Variants in NMU observed in about 807,000 individuals in gnomAD.
NMU encodes neuromedin-U.
In NMU, 29 loss-of-function variants were observed where a neutral mutation model predicts 35.4. The ratio of observed to expected loss-of-function variants is 0.82; its 90% CI spans 0.61 to 1.12. The LOEUF is 1.12. Ranked by LOEUF, NMU falls within the 50% of genes most tolerant of loss-of-function variation. The pLI is 0.00. For synonymous variants in NMU, 78 were observed against 81.3 expected (o/e 0.96, Z 0.22); for missense variants, 199 against 206.2 (o/e 0.97, Z 0.21).
intron 2 of NMU, among the ~76,000 whole-genome samples, chr4:55,618,565 C>T (rs897114032): frequency 1.1e-4 from 17 of 151,946 alleles, no homozygotes; most frequent in Admixed American, 3.9e-4. Flanking sequence ...TCTTAACTTC[C>T]TTTCTTTCTT....
rs1733901263 is a variant in NMU at position 55,610,803 on chromosome 4, A to G, written c.220-1624T>C. Reference sequence around the variant, plus strand: ...GAGTCAATGATAGAATGCGTATACAATGATGGTCACATAAGATTATTATGA... The same window carrying G: ...GAGTCAATGATAGAATGCGTATACAGTGATGGTCACATAAGATTATTATGA... On this transcript the variant is annotated intron_variant, in intron 3 of 9. Coordinates refer to ENST00000264218, the MANE Select transcript of NMU (RefSeq NM_006681.4). Among the ~76,000 whole-genome samples, 4 of 152,236 alleles carry G rather than the reference A, an allele frequency of 2.6e-5. No homozygotes were observed. In the South Asian group the frequency reaches 8.3e-4, roughly 32 times the overall value.
At chr4:55,625,480 A>G (rs1734489328) in intron 2 of NMU, among the ~76,000 whole-genome samples, 1 of 152,134 alleles carries the variant, frequency 6.6e-6, no homozygotes, top group Non-Finnish European at 1.5e-5. Flanking sequence ...CTTGTAATAC[A>G]CTTGATGAAT....
Position 55,616,355 on chromosome 4 carries a change from T to G in NMU, c.202A>C (p.Ile68Leu), listed in dbSNP as rs1279239763. The G allele has an allele frequency of 6.2e-7, 1 of 1,612,332 alleles. No individual in the cohort carries two copies. The highest frequency in any genetic ancestry group is 8.5e-7 in the Non-Finnish European group (1 of 1,178,536). Residue 68 changes from isoleucine (I) to leucine (L), a missense_variant, in exon 3 of 10, where the codon ATT (isoleucine) becomes CTT (leucine). Coordinates refer to ENST00000264218, the MANE Select transcript of NMU (RefSeq NM_006681.4). ...IDDTCSSFLSIDSQPQASNAL... is the reference protein window; with the variant it reads ...IDDTCSSFLSLDSQPQASNAL... ...GGAATTACCTGAGGCTGAGAATCAA[T>G]GGACAGAAAAGACGAACAAGTATCA... is the stretch of plus-strand genomic sequence containing the variant.
intron 2 of NMU, among the ~76,000 whole-genome samples, chr4:55,630,105 TA>T (rs1734698709): frequency 6.6e-6 from 1 of 152,072 alleles, no homozygotes; most frequent in Non-Finnish European, 1.5e-5. Flanking sequence ...CTGGATCTAT[TA>T]AAAAAATCCA....
Position 55,636,003 on chromosome 4 carries a change from A to G in NMU, c.112+78T>C, listed in dbSNP as rs930302841. 3 of 1,529,338 alleles carry G rather than the reference A, an allele frequency of 2.0e-6. No homozygotes were observed. Among genetic ancestry groups the G allele is most frequent in the African/African-American group, 2.8e-5 (2 of 72,530 alleles). The allele number at this position is 1,529,338 out of a possible 1,614,324, so 94.7% of individuals were successfully genotyped here. Reference sequence around the variant, plus strand: ...GAAGCCAAGTAAAGGTGAGAGAAAGAGGGTGGAGGAGAGCGGTGAGTGGAG... The same window carrying G: ...GAAGCCAAGTAAAGGTGAGAGAAAGGGGGTGGAGGAGAGCGGTGAGTGGAG... On this transcript the variant is annotated intron_variant, in intron 1 of 9. Transcript: ENST00000264218. The surrounding 1 kb of genome is among the most constrained non-coding windows in gnomAD (Gnocchi z 4.0).
intron 9 of NMU, among the ~76,000 whole-genome samples, 197 bp from the exon 10 acceptor site, chr4:55,595,608 T>C (rs1733142057): frequency 9.3e-6 from 1 of 107,954 alleles, no homozygotes; most frequent in Non-Finnish European, 2.0e-5. Context: ...AAGAAATATA[T>C]ATATGTGTGT....
At chr4:55,595,641 ATAT>A (rs377324851) in intron 9 of NMU, among the ~76,000 whole-genome samples, 14,862 of 62,724 alleles carry the variant, frequency 0.24, 803 homozygotes, top group Admixed American at 0.27. Context: ...ATATATATAT[ATAT>A]TTTTTTTTTT....
chr4:55,595,643 A>ATTTTTTT (rs1211166376), intron 9 of NMU, among the ~76,000 whole-genome samples: 6 of 66,418 alleles, frequency 9.0e-5, no homozygotes, highest in Non-Finnish European at 1.3e-4. Flanking sequence ...ATATATATAT[A>ATTTTTTT]TTTTTTTTTT....
At chr4:55,633,424 TAG>T (rs775075854) in intron 1 of NMU, among the ~76,000 whole-genome samples, 9 of 152,102 alleles carry the variant, frequency 5.9e-5, no homozygotes, top group Admixed American at 2.6e-4. Flanking sequence ...ATGTGTTAAT[TAG>T]AGTCAATGTG....
intron 4 of NMU, among the ~76,000 whole-genome samples, chr4:55,608,211 C>T (rs28416150): frequency 0.17 from 25,580 of 149,906 alleles, 2,340 homozygotes; most frequent in South Asian, 0.24. Context: ...TCTTATAATT[C>T]CTTTTTTGTT....
chr4:55,629,436 T>C (rs1191358671), intron 2 of NMU, among the ~76,000 whole-genome samples: 1 of 151,592 alleles, frequency 6.6e-6, no homozygotes, highest in Non-Finnish European at 1.5e-5. Flanking sequence ...CTGGCCAACA[T>C]GGTGAAACCC....
At chr4:55,603,080 C>T (rs1393831226) in intron 7 of NMU, among the ~76,000 whole-genome samples, 1 of 152,170 alleles carries the variant, frequency 6.6e-6, no homozygotes, top group African/African-American at 2.4e-5. Context: ...TTACTGAAAC[C>T]TCTGCCTCCC....
At position 55,636,141 on chromosome 4, in the gene NMU, C is replaced by T; in HGVS notation, c.52G>A (p.Ala18Thr). ...RPRSPAGQVA[A>T]ASPLLLLLLL... ...AGCAGCAGCAGGAGCGGGGACGCCGCGGCCACCTGTCCGGCGGGCGACCTG... is the reference window on the plus strand; with the variant it reads ...AGCAGCAGCAGGAGCGGGGACGCCGTGGCCACCTGTCCGGCGGGCGACCTG... The change falls in exon 1 of 10, where the codon GCG (alanine) becomes ACG (threonine). Residue 18 changes from alanine to threonine, a missense_variant. Physicochemically the swap from Ala to Thr is moderately conservative, Grantham distance 58 (BLOSUM62 0). Transcript: ENST00000264218. This position sits in a 1 kb window ranked among gnomAD's most constrained non-coding sequence, Gnocchi z 4.0. 2.0e-6 allele frequency: 3 copies of T among 1,521,890 alleles called. No individual in the cohort carries two copies. The highest frequency in any genetic ancestry group is 2.5e-5 in the East Asian group (1 of 39,912). The allele number at this position is 1,521,890 out of a possible 1,614,324, so 94.3% of individuals were successfully genotyped here.
rs1186614471 is a variant in NMU, at chr4:55,595,353, C to A, written c.*63G>T. 1 of 151,898 alleles carries A rather than the reference C, an allele frequency of 6.6e-6. No individual in the cohort carries two copies. Among genetic ancestry groups the A allele is most frequent in the Non-Finnish European group, 1.5e-5 (1 of 67,902 alleles). 9.4% of individuals were successfully genotyped at this position (151,898 alleles called of 1,614,324 possible). On this transcript the variant is annotated 3_prime_UTR_variant, in exon 10 of 10. Transcript: ENST00000264218. Reference sequence around the variant, plus strand: ...AGCAAGGATTTTTTTCAGAAGAAAACAAAATGTCAGTACATTTTGTATTCC... The same window carrying A: ...AGCAAGGATTTTTTTCAGAAGAAAAAAAAATGTCAGTACATTTTGTATTCC...
chr4:55,632,534 C>T (rs1183849089), intron 1 of NMU, among the ~76,000 whole-genome samples: 2 of 152,122 alleles, frequency 1.3e-5, no homozygotes, highest in Non-Finnish European at 2.9e-5. Context: ...ACACACTTCT[C>T]AATTATATAT....
chr4:55,597,150 T>A (rs1733216823), intron 9 of NMU, among the ~76,000 whole-genome samples: 1 of 152,056 alleles, frequency 6.6e-6, no homozygotes, highest in African/African-American at 2.4e-5. Context: ...ATTTTTACAT[T>A]AATATTTATA....
chr4:55,604,679 A>ATTTTTTTTTTTTTTT (rs767568542), intron 7 of NMU, among the ~76,000 whole-genome samples: 1,385 of 47,602 alleles, frequency 0.029, 24 homozygotes, highest in East Asian at 0.046. Flanking sequence ...TGCCTGGCTA[A>ATTTTTTTTTTTTTTT]TTTTTTTTTT....
chr4:55,619,819 A>G (rs1320267964), intron 2 of NMU, among the ~76,000 whole-genome samples: 1 of 145,210 alleles, frequency 6.9e-6, no homozygotes, highest in African/African-American at 2.5e-5. Context: ...TGGAGATCTG[A>G]GAACTGGCAG....
At chr4:55,619,404 G>C (rs1180885304) in intron 2 of NMU, among the ~76,000 whole-genome samples, 4 of 121,886 alleles carry the variant, frequency 3.3e-5, no homozygotes, top group Middle Eastern at 3.7e-3. Context: ...AAGGGGTGAC[G>C]GACGCACCTG....
Sources: gnomAD v4.1 joint callset for allele counts (sites outside exome capture counted in the v4.1 genomes callset) on GRCh38, gnomAD v4.1.1 for gene constraint, Gnocchi (gnomAD v3.1) non-coding constraint, MANE v1.5 for transcripts, NCBI Gene and HGNC (gene_info 2026-07-23, HGNC 2026-07-21) for gene names.